Variants in SYTL2 observed in about 807,000 individuals in gnomAD.
The protein encoded by SYTL2 is synaptotagmin-like protein 2.
A neutral mutation model predicts 198.7 loss-of-function variants in SYTL2; 165 were observed. The observed-to-expected ratio is 0.83, with a 90% CI of 0.73 to 0.94. The LOEUF is 0.94. SYTL2 is among the 40% of genes least tolerant of loss of function. SYTL2 has a pLI of 0.00. For missense variants in SYTL2, 2,835 were observed against 2,582.8 expected, an observed-to-expected ratio of 1.10 and a Z score of -2.12; for synonymous variants, 966 against 917.7, an observed-to-expected ratio of 1.05 and a Z score of -0.95.
At chr11:85,853,087 G>A in the SYTL2 span, 29 of 272,912 alleles carry the variant, frequency 1.1e-4, no homozygotes, top group East Asian at 3.4e-4. Flanking sequence ...GGAGGTCGGG[G>A]GCGCCTCTGC....
chr11:85,852,967 A>G, the SYTL2 span: 1 of 303,608 alleles, frequency 3.3e-6, no homozygotes, highest in Non-Finnish European at 6.4e-6. Flanking sequence ...AGAAGTGAGG[A>G]GCCCCTCCGC....
the SYTL2 span, among the ~76,000 whole-genome samples, chr11:85,845,414 T>A: frequency 6.6e-6 from 1 of 152,126 alleles, no homozygotes; most frequent in Non-Finnish European, 1.5e-5. Context: ...AATTTTGGAG[T>A]AATTTGTTGT....
intron 1 of SYTL2, among the ~76,000 whole-genome samples, chr11:85,776,411 C>T (rs623120): frequency 0.41 from 61,865 of 152,038 alleles, 13,248 homozygotes; most frequent in East Asian, 0.57. Flanking sequence ...CCTCCCACCG[C>T]GCAACAGGCC....
chr11:85,709,105 T>C (rs2153417207), intron 14 of SYTL2, among the ~76,000 whole-genome samples: 1 of 152,298 alleles, frequency 6.6e-6, no homozygotes, highest in East Asian at 1.9e-4. Context: ...CCCAAAGTGC[T>C]GGGATTACAG....
chr11:85,761,373 A>G (rs2092092333), intron 1 of SYTL2, among the ~76,000 whole-genome samples: 1 of 152,152 alleles, frequency 6.6e-6, no homozygotes, highest in Non-Finnish European at 1.5e-5. Flanking sequence ...CCATGCAGAT[A>G]TCCCAGGGTT....
the SYTL2 span, among the ~76,000 whole-genome samples, chr11:85,838,689 A>G: frequency 2.0e-5 from 3 of 152,184 alleles, no homozygotes; most frequent in Non-Finnish European, 2.9e-5. Flanking sequence ...CCAAGCCATG[A>G]GGGATTCACC....
chr11:85,848,270 A>G, the SYTL2 span, among the ~76,000 whole-genome samples: 1 of 145,292 alleles, frequency 6.9e-6, no homozygotes, highest in Non-Finnish European at 1.5e-5. Flanking sequence ...AAGAAAAAAG[A>G]AAAAAAAAAA....
At chr11:85,831,778 C>T in the SYTL2 span, among the ~76,000 whole-genome samples, 1 of 152,064 alleles carries the variant, frequency 6.6e-6, no homozygotes, top group South Asian at 2.1e-4. Flanking sequence ...AAATGATGGA[C>T]AGATTTGACC....
the SYTL2 span, among the ~76,000 whole-genome samples, chr11:85,827,794 G>C: frequency 6.6e-6 from 1 of 152,206 alleles, no homozygotes; most frequent in Non-Finnish European, 1.5e-5. Context: ...TGTCAAGTCT[G>C]TGTTGATTCC....
intron 17 of SYTL2, among the ~76,000 whole-genome samples, chr11:85,699,047 T>C (rs2083852201): frequency 6.6e-6 from 1 of 152,196 alleles, no homozygotes; most frequent in Admixed American, 6.5e-5. Context: ...CATAAGCTCA[T>C]CTCTATGCTA....
At position 85,726,789 on chromosome 11, in the gene SYTL2, C is replaced by T. The variant is rs752178675; in HGVS notation, c.2569G>A (p.Val857Met). 3 of 1,536,130 alleles carry T rather than the reference C, an allele frequency of 2.0e-6. No individual in the cohort carries two copies. Among genetic ancestry groups the T allele is most frequent in the South Asian group, 1.2e-5 (1 of 84,060 alleles). The change falls in exon 8 of 20, where the codon GTG (valine) becomes ATG (methionine). Residue 857 changes from valine (V) to methionine (M), a missense_variant. By Grantham distance (21) the Val-to-Met change is conservative. Coordinates refer to ENST00000359152, the MANE Select transcript of SYTL2 (RefSeq NM_206927.4). ...GCTTGATCATCCTCATCTAAGACCA[C>T]TCGTTTGGGAATGGCCTGATTATAT... ...SEYNQAIPKRVVLDEDDQASQ... is the reference protein window; with the variant it reads ...SEYNQAIPKRMVLDEDDQASQ...
the SYTL2 span, among the ~76,000 whole-genome samples, chr11:85,825,388 A>C: frequency 1.1e-4 from 1 of 9,260 alleles, no homozygotes; most frequent in African/African-American, 2.0e-4. Flanking sequence ...ACTCCGTCTC[A>C]AAAAAAAAAA....
At chr11:85,811,900 G>C (rs117366598), upstream of SYTL2, among the ~76,000 whole-genome samples, 3,223 of 152,158 alleles carry the variant, frequency 0.021, 63 homozygotes, top group Admixed American at 0.039. Flanking sequence ...CAGGAGTTCG[G>C]GACCAGCCCG....
At position 85,707,357 on chromosome 11, in the gene SYTL2, G is replaced by C. The variant is rs537316870; in HGVS notation, c.6018+72C>G. 34 of 982,176 alleles carry C rather than the reference G, an allele frequency of 3.5e-5. No individual in the cohort carries two copies. The East Asian group carries it at 8.2e-4, about 24-fold the overall frequency. The allele number at this position is 982,176 out of a possible 1,614,324, so 60.8% of individuals were successfully genotyped here. Reference sequence around the variant, plus strand: ...TTGGTGACTGACTTTATCCTGTAGAGCTACTACCCAAAGAAGACATGGTAA... The same window carrying C: ...TTGGTGACTGACTTTATCCTGTAGACCTACTACCCAAAGAAGACATGGTAA... On this transcript the variant is annotated intron_variant, in intron 15 of 19. Transcript: ENST00000359152.
At chr11:85,701,755 C>G (rs920766364) in intron 16 of SYTL2, among the ~76,000 whole-genome samples, 8 of 152,236 alleles carry the variant, frequency 5.3e-5, no homozygotes, top group South Asian at 2.1e-4. Context: ...TTATCACTTC[C>G]TACTATGATG....
chr11:85,707,838 G>A (rs900536536), intron 14 of SYTL2, among the ~76,000 whole-genome samples: 5 of 151,404 alleles, frequency 3.3e-5, no homozygotes, highest in East Asian at 1.9e-4. Flanking sequence ...GGCCAGGCAC[G>A]GTGGCTCACA....
chr11:85,759,163 T>C (rs1359215512), intron 1 of SYTL2, among the ~76,000 whole-genome samples: 3 of 151,408 alleles, frequency 2.0e-5, no homozygotes, highest in East Asian at 3.9e-4. Context: ...GGAGAATCTC[T>C]TGAACCCGGG....
chr11:85,754,926 T>C (rs1332450336), intron 2 of SYTL2, among the ~76,000 whole-genome samples: 1 of 152,206 alleles, frequency 6.6e-6, no homozygotes, highest in Non-Finnish European at 1.5e-5. Context: ...TTTCTCATCA[T>C]GGCTTTGGCA....
At chr11:85,782,711 A>C (rs906545253) in intron 1 of SYTL2, among the ~76,000 whole-genome samples, 4 of 152,206 alleles carry the variant, frequency 2.6e-5, no homozygotes, top group African/African-American at 9.6e-5. Context: ...TTCTTCTTAC[A>C]GATATCCTAA....
Sources: gnomAD v4.1 joint callset for allele counts (sites outside exome capture counted in the v4.1 genomes callset) on GRCh38, gnomAD v4.1.1 for gene constraint, MANE v1.5 for transcripts, NCBI Gene and HGNC (gene_info 2026-07-23, HGNC 2026-07-21) for gene names.